The following SPOCK1 variants were observed in gnomAD, a reference collection of about 807,000 sequenced individuals.
SPOCK1 encodes the protein SPARC (osteonectin), cwcv and kazal like domains proteoglycan 1.
Under a neutral mutation model 55.3 loss-of-function variants are expected in SPOCK1, and 23 were observed. The observed-to-expected ratio is 0.42, with a 90% CI of 0.30 to 0.59. SPOCK1 has a LOEUF of 0.59. Among genes scored for constraint, SPOCK1 ranks in the 20% least tolerant of loss-of-function variants. SPOCK1 has a pLI of 0.22. For missense variants in SPOCK1, 499 were observed against 552.5 expected (o/e 0.90, Z 0.97); for synonymous variants, 226 against 221.0 (o/e 1.02, Z -0.20).
chr5:137,151,173 T>C lies in SPOCK1; in HGVS notation c.233-10479A>G. 2.6e-5 allele frequency among the ~76,000 whole-genome samples: 4 copies of C among 152,152 alleles called. 1 individual carries two copies. In the South Asian group the frequency reaches 8.3e-4, roughly 32 times the overall value. ...TATTTTGTAATTTTTTTTTTGTTGC[T>C]GTAGAGACAGGATCTGTCTATGTTG... On this transcript the variant is annotated intron_variant, in intron 3 of 10. Transcript: ENST00000394945.
chr5:137,407,307 T>A (rs2127187106), intron 2 of SPOCK1, among the ~76,000 whole-genome samples: 1 of 152,328 alleles, frequency 6.6e-6, no homozygotes, highest in African/African-American at 2.4e-5. Flanking sequence ...TAAGCTGCAC[T>A]TCACAGCTGG....
chr5:137,474,098 T>C (rs894516365), intron 2 of SPOCK1, among the ~76,000 whole-genome samples: 2 of 151,490 alleles, frequency 1.3e-5, no homozygotes, highest in East Asian at 1.9e-4. Context: ...GGTGGAAGAG[T>C]GGGAGGGGAG....
chr5:137,477,962 G>A (rs546489640), intron 2 of SPOCK1, among the ~76,000 whole-genome samples: 1 of 152,318 alleles, frequency 6.6e-6, no homozygotes, highest in Admixed American at 6.5e-5. Context: ...AACACAGCAT[G>A]CTGGAGAATG....
chr5:137,286,547 A>G (rs1193072506), intron 2 of SPOCK1, among the ~76,000 whole-genome samples: 1 of 152,136 alleles, frequency 6.6e-6, no homozygotes, highest in East Asian at 1.9e-4. Flanking sequence ...ATTTCTTACT[A>G]GGCCCATGGT....
intron 2 of SPOCK1, among the ~76,000 whole-genome samples, chr5:137,344,766 C>G (rs1483583711): frequency 6.6e-6 from 1 of 152,248 alleles, no homozygotes; most frequent in Non-Finnish European, 1.5e-5. Flanking sequence ...ACGCAGGTTT[C>G]TGGATTCTAC....
intron 5 of SPOCK1, among the ~76,000 whole-genome samples, chr5:137,071,442 G>T (rs994640411): frequency 4.6e-5 from 7 of 152,176 alleles, no homozygotes; most frequent in African/African-American, 1.7e-4. Flanking sequence ...AGCAGGACTG[G>T]TCAGACAGGA....
At chr5:137,297,136 A>G (rs1757504482) in intron 2 of SPOCK1, among the ~76,000 whole-genome samples, 1 of 152,240 alleles carries the variant, frequency 6.6e-6, no homozygotes, top group South Asian at 2.1e-4. Context: ...AGAGGGATGT[A>G]TATACACACA....
chr5:137,311,455 C>T (rs1757787366), intron 2 of SPOCK1, among the ~76,000 whole-genome samples: 2 of 152,330 alleles, frequency 1.3e-5, no homozygotes, highest in Non-Finnish European at 2.9e-5. Context: ...TGTTCTTCTT[C>T]CATAAATAAT....
chr5:137,016,001 G>A (rs1023494483), intron 6 of SPOCK1, among the ~76,000 whole-genome samples: 2 of 152,186 alleles, frequency 1.3e-5, no homozygotes, highest in African/African-American at 4.8e-5. Flanking sequence ...CCAAGATTTG[G>A]AGTCTGAAGG....
At chr5:137,146,769 C>T (rs1754202322) in intron 3 of SPOCK1, among the ~76,000 whole-genome samples, 1 of 152,200 alleles carries the variant, frequency 6.6e-6, no homozygotes, top group Admixed American at 6.5e-5. Flanking sequence ...GCTTGGAAAG[C>T]CTCCTCACAA....
chr5:137,108,625 T>C (rs1007554583), intron 5 of SPOCK1, among the ~76,000 whole-genome samples: 1 of 152,174 alleles, frequency 6.6e-6, no homozygotes, highest in Non-Finnish European at 1.5e-5. Flanking sequence ...AGAAGAATAT[T>C]ACAACCTTTG....
intron 2 of SPOCK1, among the ~76,000 whole-genome samples, chr5:137,479,432 C>A (rs1441024606): frequency 6.6e-6 from 1 of 152,186 alleles, no homozygotes; most frequent in African/African-American, 2.4e-5. Context: ...GGATAGATCC[C>A]CAGAAGGGGA....
rs1239326427 is a variant in SPOCK1 at position 137,175,989 on chromosome 5, T to TTTGGCTATACTTATGCTAAC, written c.233-35315_233-35296dup. Among the ~76,000 whole-genome samples the TTTGGCTATACTTATGCTAAC allele has an allele frequency of 1.1e-4, 17 of 152,294 alleles. 1 individual carries two copies. The highest frequency in any genetic ancestry group is 3.9e-4 in the East Asian group (2 of 5,178). ...GAGGCTTGCACTGCCCACATGTATT[T>TTTGGCTATACTTATGCTAAC]TTGGCTATACTTATGCTAACTCTAA... On this transcript the variant is annotated intron_variant, in intron 3 of 10. Transcript: ENST00000394945.
At chr5:137,319,615 C>G (rs1295058852) in intron 2 of SPOCK1, among the ~76,000 whole-genome samples, 2 of 152,198 alleles carry the variant, frequency 1.3e-5, no homozygotes, top group Non-Finnish European at 2.9e-5. Flanking sequence ...ATAGGAAACC[C>G]GAGAGCTCAC....
At chr5:137,035,565 A>G (rs767706831) in intron 6 of SPOCK1, among the ~76,000 whole-genome samples, 31 of 152,192 alleles carry the variant, frequency 2.0e-4, no homozygotes, top group Non-Finnish European at 4.1e-4. Context: ...CTGCCCTTCA[A>G]GGATGGCCTG....
intron 3 of SPOCK1, among the ~76,000 whole-genome samples, chr5:137,256,267 T>C (rs1362150503): frequency 1.3e-5 from 2 of 152,172 alleles, no homozygotes; most frequent in Non-Finnish European, 2.9e-5. Context: ...CACACAGAAA[T>C]AGCAATTCAG....
intron 3 of SPOCK1, among the ~76,000 whole-genome samples, chr5:137,226,725 G>A (rs911896204): frequency 2.6e-5 from 4 of 152,174 alleles, no homozygotes; most frequent in African/African-American, 7.2e-5. Context: ...TTCCCTCTGC[G>A]TGGAAGATGG....
chr5:137,181,249 G>C (rs1754964086), intron 3 of SPOCK1, among the ~76,000 whole-genome samples: 1 of 152,192 alleles, frequency 6.6e-6, no homozygotes, highest in Non-Finnish European at 1.5e-5. Flanking sequence ...AAGGTGGAGG[G>C]GTGGTGTACA....
At chr5:137,424,092 A>G (rs1752558057) in intron 2 of SPOCK1, among the ~76,000 whole-genome samples, 1 of 152,228 alleles carries the variant, frequency 6.6e-6, no homozygotes, top group African/African-American at 2.4e-5. Context: ...AAAAACAAAC[A>G]AAATAAGCCA....
Sources: allele counts gnomAD v4.1 joint callset (sites outside exome capture counted in the v4.1 genomes callset), GRCh38; gene constraint gnomAD v4.1.1; transcripts MANE v1.5; gene names NCBI Gene and HGNC (gene_info 2026-07-23, HGNC 2026-07-21).